CALCRL: variants seen among roughly 807,000 people sequenced by gnomAD.
The protein encoded by CALCRL is calcitonin receptor like receptor, also known as calcitonin gene-related peptide type 1 receptor.
In CALCRL, 27 loss-of-function variants were observed where a neutral mutation model predicts 60.4. The ratio of observed to expected loss-of-function variants is 0.45; its 90% confidence interval spans 0.33 to 0.62. The LOEUF is 0.62. Ranked by LOEUF, CALCRL falls within the 20% of genes least tolerant of loss-of-function variation. CALCRL has a pLI of 0.03. For synonymous variants in CALCRL, 190 were observed against 182.6 expected, an observed-to-expected ratio of 1.04 and a Z score of -0.33; for missense variants, 424 against 540.7, an observed-to-expected ratio of 0.78 and a Z score of 2.14.
intron 1 of CALCRL, among the ~76,000 whole-genome samples, chr2:187,395,851 C>T (rs1270168522): frequency 6.6e-6 from 1 of 151,878 alleles, no homozygotes; most frequent in East Asian, 1.9e-4. Context: ...TCCATGCCTT[C>T]CCAGGTGTTT....
chr2:187,424,669 G>A (rs1170010979), intron 1 of CALCRL, among the ~76,000 whole-genome samples: 1 of 151,974 alleles, frequency 6.6e-6, no homozygotes, highest in Admixed American at 6.6e-5. Flanking sequence ...ATGAAGATGT[G>A]CAGTTTACAA....
chr2:187,394,044 T>G (rs1460257925), intron 1 of CALCRL, among the ~76,000 whole-genome samples: 3 of 152,046 alleles, frequency 2.0e-5, no homozygotes, highest in African/African-American at 4.8e-5. Context: ...CCAGGTTAGT[T>G]GCAAATAATA....
intron 1 of CALCRL, among the ~76,000 whole-genome samples, chr2:187,423,160 G>T (rs748910124): frequency 4.6e-5 from 7 of 151,908 alleles, no homozygotes; most frequent in Admixed American, 1.3e-4. Context: ...GAACATAATA[G>T]AAAAATTGTT....
chr2:187,424,374 C>G (rs919567594), intron 1 of CALCRL, among the ~76,000 whole-genome samples: 1 of 151,986 alleles, frequency 6.6e-6, no homozygotes, highest in Non-Finnish European at 1.5e-5. Context: ...CAGGAACTTC[C>G]CATAAAATCA....
chr2:187,361,434 G>A (rs955347906), intron 9 of CALCRL, among the ~76,000 whole-genome samples: 1 of 151,846 alleles, frequency 6.6e-6, no homozygotes, highest in South Asian at 2.1e-4. Flanking sequence ...TTAAACAGGA[G>A]AATACAATTA....
chr2:187,365,604 C>T (rs910320941), intron 8 of CALCRL, among the ~76,000 whole-genome samples: 2 of 151,890 alleles, frequency 1.3e-5, no homozygotes, highest in Non-Finnish European at 1.5e-5. Context: ...AAAACTATGA[C>T]GAAAAGATTG....
intron 9 of CALCRL, 24 bp from the exon 10 acceptor site, chr2:187,360,775 A>G: frequency 6.3e-7 from 1 of 1,583,448 alleles, no homozygotes; most frequent in South Asian, 1.2e-5. Flanking sequence ...AAAAACCCCA[A>G]TATTTACTTG....
At chr2:187,370,526 A>G (rs1421883665) in intron 8 of CALCRL, among the ~76,000 whole-genome samples, 1 of 152,222 alleles carries the variant, frequency 6.6e-6, no homozygotes, top group Non-Finnish European at 1.5e-5. Context: ...TTCATGATTC[A>G]GAATTTGCAT....
At chr2:187,362,759 C>T (rs546227105) in intron 9 of CALCRL, among the ~76,000 whole-genome samples, 1 of 152,040 alleles carries the variant, frequency 6.6e-6, no homozygotes, top group African/African-American at 2.4e-5. Context: ...AAAATATGGC[C>T]TGTAAGGCAA....
At position 187,390,977 on chromosome 2, in the gene CALCRL, G is replaced by A. The variant is rs916438827; in HGVS notation, c.-292-3221C>T. Among the ~76,000 whole-genome samples the A allele has an allele frequency of 5.3e-5, 8 of 152,164 alleles. No homozygotes were observed. In the East Asian group the frequency reaches 9.6e-4, roughly 18 times the overall value. On this transcript the variant is annotated intron_variant, in intron 1 of 14. Transcript: ENST00000392370. ...TCAAAGTTTCCTTGCCAGCAGACAC[G>A]TGGTGAGAGGTAGTTATGGAGGAAT...
At chr2:187,365,239 A>T (rs2105739764) in intron 8 of CALCRL, among the ~76,000 whole-genome samples, 1 of 152,274 alleles carries the variant, frequency 6.6e-6, no homozygotes, top group Middle Eastern at 3.4e-3. Context: ...TCTAGTAAAT[A>T]ATGTTCTTTT....
In CALCRL at chr2:187,352,118, A is replaced by T; in HGVS notation, c.1124T>A (p.Phe375Tyr). The change falls in exon 13 of 15, where the codon TTC becomes TAC. Residue 375 changes from phenylalanine to tyrosine, a missense_variant. Transcript: ENST00000392370. ...YDYIMHILMH[F>Y]QGLLVSTIFC... ...TTCTTATCAAGAATGCCATACCTGG[A>T]AGTGCATAAGGATGTGCATGATGTA... The T allele has an allele frequency of 6.2e-7, 1 of 1,611,160 alleles. No individual in the cohort carries two copies. The highest frequency in any genetic ancestry group is 1.3e-5 in the African/African-American group (1 of 74,880).
chr2:187,400,466 C>A (rs1688842804), intron 1 of CALCRL, among the ~76,000 whole-genome samples: 1 of 151,296 alleles, frequency 6.6e-6, no homozygotes, highest in Non-Finnish European at 1.5e-5. Context: ...TTGATAAACA[C>A]CTTAGTAGTT....
At chr2:187,365,118 A>G (rs1277228099) in intron 8 of CALCRL, among the ~76,000 whole-genome samples, 1 of 152,202 alleles carries the variant, frequency 6.6e-6, no homozygotes, top group Non-Finnish European at 1.5e-5. Context: ...TTACTTAGAG[A>G]AATTCAACAC....
At chr2:187,354,434 C>T (rs1220661608) in intron 12 of CALCRL, among the ~76,000 whole-genome samples, 1 of 151,976 alleles carries the variant, frequency 6.6e-6, no homozygotes, top group African/African-American at 2.4e-5. Flanking sequence ...ATGCTGTAGT[C>T]ACTCCAGTAC....
At chr2:187,433,007 A>G (rs1690466750) in intron 1 of CALCRL, among the ~76,000 whole-genome samples, 1 of 152,054 alleles carries the variant, frequency 6.6e-6, no homozygotes, top group African/African-American at 2.4e-5. Flanking sequence ...TACCCTCTGT[A>G]ATGTTCGCAC....
chr2:187,377,421 A>G (rs1043689380), intron 8 of CALCRL, among the ~76,000 whole-genome samples: 2 of 152,144 alleles, frequency 1.3e-5, no homozygotes, highest in African/African-American at 2.4e-5. Context: ...ATTTCTGGCC[A>G]ATGTGATTGG....
intron 8 of CALCRL, among the ~76,000 whole-genome samples, chr2:187,363,819 G>A (rs962354682): frequency 8.6e-5 from 13 of 151,976 alleles, no homozygotes; most frequent in Non-Finnish European, 1.5e-4. Context: ...GCAAACATTG[G>A]GATTCAGTTA....
intron 8 of CALCRL, among the ~76,000 whole-genome samples, chr2:187,370,707 C>T (rs1489446548): frequency 5.3e-5 from 8 of 152,150 alleles, no homozygotes; most frequent in Admixed American, 1.3e-4. Flanking sequence ...TTATAGCAGA[C>T]AGGTTAATGT....
Sources: gnomAD v4.1 joint callset for allele counts (sites outside exome capture counted in the v4.1 genomes callset) on GRCh38, gnomAD v4.1.1 for gene constraint, MANE v1.5 for transcripts, NCBI Gene and HGNC (gene_info 2026-07-23, HGNC 2026-07-21) for gene names.